Variants in IMPG1 observed in about 807,000 individuals in gnomAD.
IMPG1 encodes interphotoreceptor matrix proteoglycan of 150 kDa.
In IMPG1, 85 loss-of-function variants were observed where a neutral mutation model predicts 92.0. That is an observed-to-expected ratio of 0.92 (90% CI 0.78 to 1.11). IMPG1 has a LOEUF of 1.11. IMPG1 is among the 50% of genes least tolerant of loss of function. IMPG1 has a pLI of 0.00. For synonymous variants in IMPG1, 367 were observed against 334.1 expected (o/e 1.10, Z -1.08); for missense variants, 1,022 against 956.0 (o/e 1.07, Z -0.91).
intron 14 of IMPG1, among the ~76,000 whole-genome samples, chr6:75,943,173 C>T (rs1050618282): frequency 7.2e-5 from 11 of 152,082 alleles, no homozygotes; most frequent in Admixed American, 3.9e-4. Context: ...GCTTTGGGGT[C>T]GCTATCTCCT....
intron 12 of IMPG1, among the ~76,000 whole-genome samples, chr6:75,998,240 A>G (rs1007013057): frequency 1.3e-5 from 2 of 152,230 alleles, no homozygotes; most frequent in African/African-American, 4.8e-5. Flanking sequence ...GAGATATTGT[A>G]ATACAAATTC....
intron 1 of IMPG1, among the ~76,000 whole-genome samples, chr6:76,047,486 G>C (rs1024186714): frequency 2.6e-5 from 4 of 152,154 alleles, no homozygotes; most frequent in African/African-American, 9.7e-5. Context: ...ATAAACAAAT[G>C]CCATGAAACT....
intron 13 of IMPG1, among the ~76,000 whole-genome samples, chr6:75,950,292 T>C (rs901165064): frequency 5.9e-5 from 9 of 152,238 alleles, no homozygotes; most frequent in South Asian, 2.1e-4. Context: ...TTCACTAAGT[T>C]AGGGAGAATT....
chr6:75,962,207 A>G (rs548861736), intron 12 of IMPG1, among the ~76,000 whole-genome samples: 1 of 151,924 alleles, frequency 6.6e-6, no homozygotes, highest in East Asian at 1.9e-4. Flanking sequence ...GCAGCCTTAA[A>G]CTCCCTGTCT....
At chr6:76,002,240 A>T (rs759308415) in intron 12 of IMPG1, among the ~76,000 whole-genome samples, 9 of 152,142 alleles carry the variant, frequency 5.9e-5, no homozygotes, top group African/African-American at 9.7e-5. Flanking sequence ...TTTTGCACTA[A>T]AAAAGGCTCT....
At chr6:75,922,619 ACTTC>A (rs1201291873) in intron 16 of IMPG1, among the ~76,000 whole-genome samples, 1 of 152,098 alleles carries the variant, frequency 6.6e-6, no homozygotes, top group Non-Finnish European at 1.5e-5. Context: ...GAAAATTATC[ACTTC>A]CTTTTATTTA....
chr6:75,959,949 C>G (rs1452152685), intron 12 of IMPG1, among the ~76,000 whole-genome samples: 1 of 152,180 alleles, frequency 6.6e-6, no homozygotes, highest in Non-Finnish European at 1.5e-5. Flanking sequence ...AGTGTCTGCT[C>G]AAACGGCTGC....
intron 15 of IMPG1, among the ~76,000 whole-genome samples, chr6:75,924,665 A>AT (rs1425748256): frequency 0.11 from 108 of 952 alleles, 17 homozygotes; most frequent in African/African-American, 0.12. Context: ...ATAATATATA[A>AT]TAAATTATAT....
intron 2 of IMPG1, among the ~76,000 whole-genome samples, chr6:76,035,499 C>CAAAAAAAAAAA (rs34929063): frequency 3.2e-5 from 2 of 62,170 alleles, no homozygotes; most frequent in African/African-American, 1.3e-4. Flanking sequence ...AACTCCGTCT[C>CAAAAAAAAAAA]AAAAAAAAAA....
At chr6:75,980,760 C>T (rs1047597752) in intron 12 of IMPG1, among the ~76,000 whole-genome samples, 3 of 152,224 alleles carry the variant, frequency 2.0e-5, no homozygotes, top group African/African-American at 7.2e-5. Context: ...GTCTTCCTTG[C>T]TCCTCAACTT....
At chr6:75,966,595 T>C (rs1782311569) in intron 12 of IMPG1, among the ~76,000 whole-genome samples, 1 of 152,218 alleles carries the variant, frequency 6.6e-6, no homozygotes, top group African/African-American at 2.4e-5. Flanking sequence ...TTATTTTCTT[T>C]ATAAATTACC....
intron 12 of IMPG1, among the ~76,000 whole-genome samples, chr6:75,991,885 T>A (rs1314887716): frequency 6.6e-6 from 1 of 152,168 alleles, no homozygotes; most frequent in Admixed American, 6.5e-5. Context: ...AGGCACCTTG[T>A]TTTTTTCCGA....
intron 12 of IMPG1, among the ~76,000 whole-genome samples, chr6:75,966,546 C>T (rs1400893884): frequency 6.6e-6 from 1 of 152,170 alleles, no homozygotes; most frequent in Non-Finnish European, 1.5e-5. Context: ...GGACCCTCGA[C>T]CTTGGACTTT....
At chr6:75,922,227 A>T (rs1781442178) in intron 16 of IMPG1, 61 bp from the exon 17 acceptor site, 4 of 699,540 alleles carry the variant, frequency 5.7e-6, no homozygotes, top group African/African-American at 1.8e-5. Flanking sequence ...CCAATGGTTC[A>T]TTCCAATATT....
chr6:75,942,057 A>G (rs1781844369), intron 14 of IMPG1, among the ~76,000 whole-genome samples: 1 of 152,206 alleles, frequency 6.6e-6, no homozygotes, highest in South Asian at 2.1e-4. Flanking sequence ...GAAGGTGGTC[A>G]GGGAAGGGTG....
chr6:76,062,855 G>GT (rs34696512), intron 1 of IMPG1, among the ~76,000 whole-genome samples: 26 of 144,216 alleles, frequency 1.8e-4, no homozygotes, highest in African/African-American at 6.3e-4. Context: ...AGCAAGTTAG[G>GT]TTTTTTTTTT....
chr6:75,956,461 A>C (rs1651861049), intron 12 of IMPG1, among the ~76,000 whole-genome samples: 2 of 151,200 alleles, frequency 1.3e-5, no homozygotes, highest in Admixed American at 6.6e-5. Context: ...AGCATTTTTT[A>C]CTCTGTCTAT....
chr6:76,005,598 C>T, intron 9 of IMPG1, 64 bp from the exon 10 acceptor site: 1 of 1,544,792 alleles, frequency 6.5e-7, no homozygotes, highest in South Asian at 1.2e-5. Context: ...CAAAGAGAAT[C>T]ACTAGATTGC....
chr6:76,026,932 T>C (rs2148262), intron 4 of IMPG1, among the ~76,000 whole-genome samples: 7,564 of 152,310 alleles, frequency 0.05, 265 homozygotes, highest in Admixed American at 0.087. Flanking sequence ...TGGTTCAATA[T>C]CTGCATGTTT....
Sources: gnomAD v4.1 joint callset for allele counts (sites outside exome capture counted in the v4.1 genomes callset) on GRCh38, gnomAD v4.1.1 for gene constraint, MANE v1.5 for transcripts, NCBI Gene and HGNC (gene_info 2026-07-23, HGNC 2026-07-21) for gene names.